Variants in PTPN4 observed in about 807,000 individuals in gnomAD.
The protein encoded by PTPN4 is tyrosine-protein phosphatase non-receptor type 4.
PTPN4 carries 49 observed loss-of-function variants against 135.5 expected under a neutral mutation model. The observed-to-expected ratio is 0.36, with a 90% CI of 0.29 to 0.46. PTPN4 has a LOEUF of 0.46. Among genes scored for constraint, PTPN4 ranks in the 20% least tolerant of loss-of-function variants. The pLI is 1.00. For synonymous variants in PTPN4, 333 were observed against 369.9 expected, an observed-to-expected ratio of 0.90 and a Z score of 1.14; for missense variants, 860 against 1,101.0, an observed-to-expected ratio of 0.78 and a Z score of 3.10.
intron 3 of PTPN4, among the ~76,000 whole-genome samples, chr2:119,865,625 A>G (rs1012114788): frequency 2.0e-5 from 3 of 152,062 alleles, no homozygotes; most frequent in African/African-American, 7.2e-5. Context: ...AGGTAACCAT[A>G]TAATAAAATT....
chr2:119,822,212 T>G (rs996031676), intron 2 of PTPN4, among the ~76,000 whole-genome samples: 1 of 152,190 alleles, frequency 6.6e-6, no homozygotes. Flanking sequence ...ATCTTGCTGT[T>G]TCTCACACTT....
At chr2:119,866,274 A>G (rs1400723060) in intron 3 of PTPN4, among the ~76,000 whole-genome samples, 1 of 152,050 alleles carries the variant, frequency 6.6e-6, no homozygotes, top group East Asian at 1.9e-4. Flanking sequence ...AAATTGAATT[A>G]TACTGCTCTT....
At chr2:119,778,573 GTTTC>G (rs777262792) in intron 1 of PTPN4, among the ~76,000 whole-genome samples, 2 of 152,080 alleles carry the variant, frequency 1.3e-5, no homozygotes, top group South Asian at 4.1e-4. Context: ...TCGGGAGTGT[GTTTC>G]TTTCTTGCAC....
chr2:119,809,365 G>GT lies in PTPN4; in HGVS notation c.-17-461dup, dbSNP rs1194354923. The stretch of plus-strand genomic sequence containing the variant: ...TTGAGGATGGTTAAAATGAAGGGTT[G>GT]TTTTTTTTTTTAAACTTCTTGGTTT... On this transcript the variant is annotated intron_variant, in intron 1 of 26. Transcript: ENST00000263708. Among the ~76,000 whole-genome samples, 65 of 140,530 alleles carry GT rather than the reference G, an allele frequency of 4.6e-4. 1 individual carries two copies. Among genetic ancestry groups the GT allele is most frequent in the Admixed American group, 7.8e-4 (11 of 14,026 alleles). 92.2% of individuals were successfully genotyped at this position (140,530 alleles called of 152,430 possible).
At chr2:119,837,546 A>G (rs932068618) in intron 2 of PTPN4, among the ~76,000 whole-genome samples, 2 of 152,128 alleles carry the variant, frequency 1.3e-5, no homozygotes, top group African/African-American at 4.8e-5. Context: ...TTCTTCCTGG[A>G]GGGAGGACAA....
At chr2:119,850,698 T>C (rs1677578748) in intron 2 of PTPN4, among the ~76,000 whole-genome samples, 1 of 152,208 alleles carries the variant, frequency 6.6e-6, no homozygotes, top group Non-Finnish European at 1.5e-5. Flanking sequence ...GAATAAATGC[T>C]GTTTTCTTTG....
At chr2:119,810,112 T>G in intron 2 of PTPN4, 121 bp downstream of exon 2, 1 of 1,202,284 alleles carries the variant, frequency 8.3e-7, no homozygotes, top group Admixed American at 3.0e-5. Context: ...AGTAAAAAAG[T>G]CTTTTTGGTG....
At chr2:119,894,640 A>G (rs960380496) in intron 9 of PTPN4, among the ~76,000 whole-genome samples, 13 of 152,236 alleles carry the variant, frequency 8.5e-5, no homozygotes, top group African/African-American at 3.1e-4. Context: ...GGAAAAGAAC[A>G]TACTGCTACA....
chr2:119,910,106 G>T (rs1678548477), intron 10 of PTPN4, among the ~76,000 whole-genome samples: 1 of 152,034 alleles, frequency 6.6e-6, no homozygotes, highest in Admixed American at 6.6e-5. Context: ...TTTGAAAGAA[G>T]TTCTAGTGTA....
intron 1 of PTPN4, among the ~76,000 whole-genome samples, chr2:119,766,250 T>C (rs1171485753): frequency 6.6e-6 from 1 of 152,216 alleles, no homozygotes; most frequent in Non-Finnish European, 1.5e-5. Context: ...AACCACTGTT[T>C]TAGAGACTGT....
Position 119,983,182 on chromosome 2 carries a change from G to GA in PTPN4, c.*6112_*6113insA, listed in dbSNP as rs1679719855. On this transcript the variant is annotated 3_prime_UTR_variant, in exon 27 of 27. Transcript: ENST00000263708. ...ATTGGTGTCAGGCTCTCTCAACCCT[G>GA]GGAGTTTCCAAAATTTAGCAAATAT... 6.6e-6 allele frequency: 1 copy of GA among 152,102 alleles called. No individual in the cohort carries two copies. The highest frequency in any genetic ancestry group is 2.4e-5 in the African/African-American group (1 of 41,414). 9.4% of individuals were successfully genotyped at this position (152,102 alleles called of 1,614,324 possible). A position where few individuals can be genotyped will look rare whatever the true frequency, so the allele number is the denominator to read the frequency against.
intron 14 of PTPN4, among the ~76,000 whole-genome samples, chr2:119,932,807 G>T (rs751616379): frequency 6.6e-6 from 1 of 152,094 alleles, no homozygotes; most frequent in Non-Finnish European, 1.5e-5. Context: ...GTTAACTTTC[G>T]CAGTTAAGAG....
intron 16 of PTPN4, 26 bp downstream of exon 16, chr2:119,945,266 A>C: frequency 6.7e-7 from 1 of 1,487,626 alleles, no homozygotes. Flanking sequence ...AGATATTCTC[A>C]TTTTTATTTG....
chr2:119,929,716 C>A (rs544007299), intron 13 of PTPN4, among the ~76,000 whole-genome samples: 1 of 152,138 alleles, frequency 6.6e-6, no homozygotes, highest in African/African-American at 2.4e-5. Flanking sequence ...GTGGGTGGGT[C>A]CCTGAGGTTA....
chr2:119,838,848 A>G (rs993510793), intron 2 of PTPN4, among the ~76,000 whole-genome samples: 11 of 152,230 alleles, frequency 7.2e-5, no homozygotes, highest in African/African-American at 2.2e-4. Flanking sequence ...CAGTTATTCA[A>G]CTAACCAAAT....
chr2:119,813,062 A>C (rs190834662), intron 2 of PTPN4, among the ~76,000 whole-genome samples: 13 of 152,222 alleles, frequency 8.5e-5, no homozygotes, highest in Admixed American at 3.9e-4. Context: ...CACACACACA[A>C]AAGGCTTAAT....
rs141331608 is a variant in PTPN4 at position 119,852,232 on chromosome 2, C to T, written c.139-10304C>T. On this transcript the variant is annotated intron_variant, in intron 2 of 26. Coordinates refer to ENST00000263708, the MANE Select transcript of PTPN4 (RefSeq NM_002830.4). ...CCGCTTCTCCTTTTCTTGCAGATTG[C>T]GCGTTTACCCTATTTGGGAAAAAAA... Among the ~76,000 whole-genome samples the T allele has an allele frequency of 1.6e-3, 237 of 152,212 alleles. 5 individuals are homozygous for T. Among genetic ancestry groups the T allele is most frequent in the South Asian group, 0.014 (65 of 4,808 alleles).
At chr2:119,768,739 A>G (rs568365715) in intron 1 of PTPN4, among the ~76,000 whole-genome samples, 14 of 152,268 alleles carry the variant, frequency 9.2e-5, no homozygotes, top group Middle Eastern at 6.8e-3. Flanking sequence ...GGCCTGTGGC[A>G]TGGGGTCCTC....
chr2:119,971,294 C>CT (rs1490053135), intron 26 of PTPN4, among the ~76,000 whole-genome samples: 2 of 152,132 alleles, frequency 1.3e-5, no homozygotes, highest in Non-Finnish European at 2.9e-5. Context: ...GTAGAGAACT[C>CT]TATCACGAGA....
Sources: gnomAD v4.1 joint callset for allele counts (sites outside exome capture counted in the v4.1 genomes callset) on GRCh38, gnomAD v4.1.1 for gene constraint, MANE v1.5 for transcripts, NCBI Gene and HGNC (gene_info 2026-07-23, HGNC 2026-07-21) for gene names.